Variants in ZFHX3 observed in about 807,000 individuals in gnomAD.
The protein encoded by ZFHX3 is zinc finger homeobox 3.
In ZFHX3, 42 loss-of-function variants were observed where a neutral mutation model predicts 279.1. That is an observed-to-expected ratio of 0.15 (90% CI 0.12 to 0.19). The LOEUF is 0.19. Among genes scored for constraint, ZFHX3 ranks in the 10% least tolerant of loss-of-function variants. ZFHX3 has a pLI of 1.00. For missense variants in ZFHX3, 4,981 were observed against 4,754.0 expected (o/e 1.05, Z -1.40); for synonymous variants, 2,293 against 1,957.8 (o/e 1.17, Z -4.52).
At chr16:73,169,064 AG>A (rs1967460300) in intron 5 of ZFHX3, among the ~76,000 whole-genome samples, 2 of 152,230 alleles carry the variant, frequency 1.3e-5, no homozygotes, top group African/African-American at 4.8e-5. Flanking sequence ...CAATAAGGTT[AG>A]GGTGTTGAAA....
intron 3 of ZFHX3, among the ~76,000 whole-genome samples, chr16:73,365,395 A>C (rs1020710737): frequency 1.3e-5 from 2 of 152,200 alleles, no homozygotes; most frequent in Admixed American, 1.3e-4. Context: ...GAGCCCTTAC[A>C]TGAGTCTAGA....
intron 2 of ZFHX3, among the ~76,000 whole-genome samples, chr16:73,650,527 A>G (rs2142165139): frequency 6.6e-6 from 1 of 152,278 alleles, no homozygotes; most frequent in Admixed American, 6.5e-5. Flanking sequence ...AGCTATCCTC[A>G]CTTAGATTTG....
intron 2 of ZFHX3, among the ~76,000 whole-genome samples, chr16:73,545,800 A>G (rs2143759963): frequency 6.6e-6 from 1 of 152,248 alleles, no homozygotes; most frequent in Middle Eastern, 3.4e-3. Context: ...AATTAAAAAA[A>G]AAAAAAAAAG....
intron 1 of ZFHX3, among the ~76,000 whole-genome samples, chr16:72,973,100 G>A (rs892878616): frequency 1.1e-4 from 16 of 152,126 alleles, no homozygotes; most frequent in African/African-American, 3.6e-4. Flanking sequence ...TTGAATATGT[G>A]TCTCATACTT....
At chr16:73,860,431 G>A (rs187627903) in intron 1 of ZFHX3, among the ~76,000 whole-genome samples, 3 of 147,906 alleles carry the variant, frequency 2.0e-5, no homozygotes, top group African/African-American at 7.5e-5. Context: ...CACCAATCAC[G>A]AGGAGTAGTA....
intron 5 of ZFHX3, among the ~76,000 whole-genome samples, chr16:72,820,665 T>C (rs148077071): frequency 2.0e-5 from 3 of 152,324 alleles, no homozygotes; most frequent in Admixed American, 6.5e-5. Context: ...TCCCCTGGCA[T>C]AGCTTACTGC....
At chr16:73,334,613 C>T (rs2015872831) in intron 3 of ZFHX3, among the ~76,000 whole-genome samples, 1 of 151,910 alleles carries the variant, frequency 6.6e-6, no homozygotes. Context: ...CGAGTGGCCA[C>T]TCGCAGTCAC....
intron 9 of ZFHX3, chr16:72,791,540 T>C (rs958918974): frequency 2.0e-5 from 3 of 152,248 alleles, no homozygotes; most frequent in Non-Finnish European, 4.4e-5. Context: ...GCTCCTACCC[T>C]AGCTTGTTGA....
chr16:73,800,902 A>G (rs918196735), intron 1 of ZFHX3, among the ~76,000 whole-genome samples: 1 of 151,966 alleles, frequency 6.6e-6, no homozygotes, highest in South Asian at 2.1e-4. Context: ...TGACACACTG[A>G]CTCTGTAAAA....
At chr16:73,406,818 G>A (rs565306699) in intron 3 of ZFHX3, among the ~76,000 whole-genome samples, 1 of 152,318 alleles carries the variant, frequency 6.6e-6, no homozygotes, top group African/African-American at 2.4e-5. Context: ...AGAACAGAAA[G>A]AAAGAGTTGG....
At chr16:73,127,388 A>G (rs1231023616) in intron 7 of ZFHX3, 1 of 1,305,428 alleles carries the variant, frequency 7.7e-7, no homozygotes, top group African/African-American at 1.5e-5. Flanking sequence ...TGCTAACTAA[A>G]TATTTTTGGG....
At chr16:73,699,031 C>CA (rs2053223319) in intron 1 of ZFHX3, among the ~76,000 whole-genome samples, 1 of 151,906 alleles carries the variant, frequency 6.6e-6, no homozygotes, top group Non-Finnish European at 1.5e-5. Context: ...ATTATAGGCG[C>CA]CCGCTACCAC....
At position 73,589,733 on chromosome 16, in the gene ZFHX3, CAAAAAAAAAAAAAAAAAAAAAA is replaced by C. The variant is rs59777135; in HGVS notation, c.-1547+90425_-1547+90446del. On this transcript the variant is annotated intron_variant, in intron 2 of 17. Coordinates refer to the ZFHX3 transcript ENST00000641206. The stretch of plus-strand genomic sequence containing the variant: ...TGGGTGACAGAGCGAGACTCCGTCT[CAAAAAAAAAAAAAAAAAAAAAA>C]AAAAAAAAAAAAAAAAGAATATACC... Among the ~76,000 whole-genome samples, 46 of 29,590 alleles carry C rather than the reference CAAAAAAAAAAAAAAAAAAAAAA, an allele frequency of 1.6e-3. 2 individuals are homozygous for C. The East Asian group carries it at 0.047, about 30-fold the overall frequency. The allele number at this position is 29,590 out of a possible 152,430, so 19.4% of individuals were successfully genotyped here.
intron 7 of ZFHX3, among the ~76,000 whole-genome samples, chr16:73,106,015 A>G (rs989607569): frequency 2.8e-5 from 4 of 143,106 alleles, no homozygotes; most frequent in South Asian, 2.3e-4. Context: ...GAGCCAGGGA[A>G]TCCTCTCCGC....
intron 5 of ZFHX3, among the ~76,000 whole-genome samples, chr16:72,816,138 A>C (rs2036599358): frequency 6.6e-6 from 1 of 150,378 alleles, no homozygotes; most frequent in African/African-American, 2.4e-5. Context: ...ATCATGGAAC[A>C]CTTTAAGTTT....
chr16:72,928,805 T>C (rs1959632294), intron 3 of ZFHX3, among the ~76,000 whole-genome samples: 1 of 152,100 alleles, frequency 6.6e-6, no homozygotes, highest in African/African-American at 2.4e-5. Flanking sequence ...TACCATAAAA[T>C]AAAAAGTTTA....
chr16:73,176,560 C>T (rs916156153), intron 5 of ZFHX3, among the ~76,000 whole-genome samples: 5 of 151,880 alleles, frequency 3.3e-5, no homozygotes, highest in Admixed American at 6.6e-5. Context: ...AAAATGCCCT[C>T]GGCTGAATTT....
intron 6 of ZFHX3, among the ~76,000 whole-genome samples, chr16:73,135,315 T>G (rs1966768940): frequency 6.6e-6 from 1 of 152,296 alleles, no homozygotes; most frequent in African/African-American, 2.4e-5. Flanking sequence ...CAGCTCAATA[T>G]GTACAAAGAG....
At chr16:73,869,327 G>C (rs1962106141) in intron 1 of ZFHX3, among the ~76,000 whole-genome samples, 1 of 152,200 alleles carries the variant, frequency 6.6e-6, no homozygotes, top group South Asian at 2.1e-4. Flanking sequence ...GGAATGTTTA[G>C]CTAAATTTTA....
Sources: gnomAD v4.1 joint callset for allele counts (sites outside exome capture counted in the v4.1 genomes callset) on GRCh38, gnomAD v4.1.1 for gene constraint, MANE v1.5 for transcripts, NCBI Gene and HGNC (gene_info 2026-07-23, HGNC 2026-07-21) for gene names.